The following DTD1 variants were observed in gnomAD, a reference collection of about 807,000 sequenced individuals.
The protein encoded by DTD1 is D-aminoacyl-tRNA deacylase 1, also known as D-tyrosyl-tRNA deacylase 1 homolog.
DTD1 carries 13 observed loss-of-function variants against 25.6 expected under a neutral mutation model. The ratio of observed to expected loss-of-function variants is 0.51; its 90% CI spans 0.33 to 0.81. DTD1 has a LOEUF of 0.81. DTD1 is among the 30% of genes least tolerant of loss of function. DTD1 has a pLI of 0.02. For synonymous variants in DTD1, 110 were observed against 103.6 expected, an observed-to-expected ratio of 1.06 and a Z score of -0.37; for missense variants, 193 against 266.4, an observed-to-expected ratio of 0.72 and a Z score of 1.92.
chr20:18,736,646 C>T (rs535230269), intron 4 of DTD1, among the ~76,000 whole-genome samples: 88 of 152,332 alleles, frequency 5.8e-4, no homozygotes, highest in African/African-American at 2.0e-3. Context: ...GAAAAACAGA[C>T]CTTGACTGGC....
At chr20:18,645,220 T>C (rs2060846062) in intron 4 of DTD1, among the ~76,000 whole-genome samples, 1 of 152,056 alleles carries the variant, frequency 6.6e-6, no homozygotes, top group Non-Finnish European at 1.5e-5. Flanking sequence ...GATAGGTAGA[T>C]AGATGAGAGA....
intron 4 of DTD1, among the ~76,000 whole-genome samples, chr20:18,686,031 G>A (rs757564671): frequency 1.3e-5 from 2 of 152,174 alleles, no homozygotes; most frequent in Non-Finnish European, 2.9e-5. Flanking sequence ...CTTCCCAGTG[G>A]CCTCACTTTT....
chr20:18,659,475 G>A (rs1461317407), intron 4 of DTD1, among the ~76,000 whole-genome samples: 1 of 152,118 alleles, frequency 6.6e-6, no homozygotes, highest in African/African-American at 2.4e-5. Context: ...TTGAAATTGA[G>A]ATTACTTAAC....
In DTD1 at chr20:18,662,410, C is replaced by G. The variant is rs576305618; in HGVS notation, c.477+34177C>G. On this transcript the variant is annotated intron_variant, in intron 4 of 5. Transcript: ENST00000377452. ...TTCTGGAATTACAGGTGTGAGCCAC[C>G]ATGCCCAGCTGGGGGTGGGGGGGAG... Among the ~76,000 whole-genome samples the G allele has an allele frequency of 2.1e-4, 32 of 152,258 alleles. 1 individual carries two copies. Among genetic ancestry groups the G allele is most frequent in the African/African-American group, 7.2e-4 (30 of 41,554 alleles).
intron 4 of DTD1, among the ~76,000 whole-genome samples, chr20:18,673,906 G>T (rs2060959894): frequency 6.8e-6 from 1 of 146,932 alleles, no homozygotes; most frequent in Non-Finnish European, 1.5e-5. Flanking sequence ...CCCTATGTTA[G>T]TTTTTTTTTT....
intron 4 of DTD1, among the ~76,000 whole-genome samples, chr20:18,716,833 T>G (rs2061182890): frequency 1.3e-5 from 2 of 152,030 alleles, no homozygotes; most frequent in Non-Finnish European, 2.9e-5. Flanking sequence ...TTTTGTATTT[T>G]GCAAAAAGGG....
intron 5 of DTD1, among the ~76,000 whole-genome samples, chr20:18,755,645 C>T (rs2061336283): frequency 6.6e-6 from 1 of 152,126 alleles, no homozygotes; most frequent in Non-Finnish European, 1.5e-5. Context: ...GTATATGTGC[C>T]ACATTTTCTT....
intron 2 of DTD1, among the ~76,000 whole-genome samples, chr20:18,595,286 A>T (rs1457444424): frequency 2.0e-5 from 3 of 151,140 alleles, no homozygotes; most frequent in African/African-American, 4.9e-5. Flanking sequence ...TTTTCTTTTG[A>T]GACAGAGTCT....
chr20:18,623,246 A>G (rs1192975480), intron 3 of DTD1, among the ~76,000 whole-genome samples: 1 of 152,060 alleles, frequency 6.6e-6, no homozygotes, highest in Non-Finnish European at 1.5e-5. Flanking sequence ...GCAATTTTAT[A>G]GATTTTTAAA....
rs117833591 is a variant in DTD1 at position 18,675,991 on chromosome 20, A to G, written c.477+47758A>G. 7.9e-3 allele frequency among the ~76,000 whole-genome samples: 1,195 copies of G among 152,160 alleles called. 8 individuals are homozygous for G. The highest frequency in any genetic ancestry group is 0.014 in the Middle Eastern group (4 of 294). On this transcript the variant is annotated intron_variant, in intron 4 of 5. Coordinates refer to ENST00000377452, the MANE Select transcript of DTD1 (RefSeq NM_080820.6). The stretch of plus-strand genomic sequence containing the variant: ...CTTGAAATAATCTTTTCTGACCTCA[A>G]TTTTGATGGCAGCCTACTATTCTGC...
At chr20:18,595,275 T>G (rs979888504) in intron 2 of DTD1, among the ~76,000 whole-genome samples, 3 of 152,164 alleles carry the variant, frequency 2.0e-5, no homozygotes, top group Non-Finnish European at 4.4e-5. Flanking sequence ...CTTTCTTTTT[T>G]TTTTCTTTTG....
chr20:18,606,986 G>A (rs1216606582), intron 3 of DTD1, among the ~76,000 whole-genome samples: 1 of 151,824 alleles, frequency 6.6e-6, no homozygotes, highest in Admixed American at 6.6e-5. Context: ...GGATATTAAA[G>A]TTCATCACAT....
intron 4 of DTD1, among the ~76,000 whole-genome samples, chr20:18,648,011 G>C (rs1266966064): frequency 6.6e-6 from 1 of 152,188 alleles, no homozygotes; most frequent in African/African-American, 2.4e-5. Flanking sequence ...CTGAATCACT[G>C]TTGGCCCTGC....
At chr20:18,682,294 G>A (rs1400211335) in intron 4 of DTD1, among the ~76,000 whole-genome samples, 1 of 152,200 alleles carries the variant, frequency 6.6e-6, no homozygotes. Context: ...TATACGTGAT[G>A]TGTGACCATG....
At chr20:18,667,708 G>A (rs1205503547) in intron 4 of DTD1, among the ~76,000 whole-genome samples, 1 of 152,176 alleles carries the variant, frequency 6.6e-6, no homozygotes, top group African/African-American at 2.4e-5. Context: ...ACCAGCTTCT[G>A]TGTTAATGAG....
chr20:18,724,972 G>A lies in DTD1; in HGVS notation c.478-19128G>A, dbSNP rs1265158888. Among the ~76,000 whole-genome samples the A allele has an allele frequency of 3.3e-5, 5 of 152,368 alleles. No homozygotes were observed. In the East Asian group the frequency reaches 7.7e-4, roughly 23 times the overall value. On this transcript the variant is annotated intron_variant, in intron 4 of 5. Transcript: ENST00000377452. ...CAGGGAAGCCCCTACATGGGGCTCA[G>A]CCCGTGAGTGAGGGTTCTTGGCTTT...
chr20:18,712,730 C>T (rs1052043973), intron 4 of DTD1, among the ~76,000 whole-genome samples: 6 of 152,150 alleles, frequency 3.9e-5, no homozygotes, highest in African/African-American at 9.7e-5. Flanking sequence ...ACAAGCTTAC[C>T]GGATACTTCT....
At chr20:18,734,393 T>G (rs1371651233) in intron 4 of DTD1, among the ~76,000 whole-genome samples, 9 of 152,238 alleles carry the variant, frequency 5.9e-5, no homozygotes, top group African/African-American at 2.2e-4. Context: ...CCAGTGGTGA[T>G]GTCCTCTCCC....
At chr20:18,597,930 T>C (rs2060618178) in intron 3 of DTD1, among the ~76,000 whole-genome samples, 1 of 152,242 alleles carries the variant, frequency 6.6e-6, no homozygotes, top group African/African-American at 2.4e-5. Flanking sequence ...TAATTCTTTA[T>C]GATTGCTTAG....
Sources: allele counts gnomAD v4.1 joint callset (sites outside exome capture counted in the v4.1 genomes callset), GRCh38; gene constraint gnomAD v4.1.1; transcripts MANE v1.5; gene names NCBI Gene and HGNC (gene_info 2026-07-23, HGNC 2026-07-21).